Variants in RALYL observed in about 807,000 individuals in gnomAD.
RALYL encodes the protein RALY RNA binding protein like.
In RALYL, 29 loss-of-function variants were observed where a neutral mutation model predicts 35.1. That is an observed-to-expected ratio of 0.83 (90% CI 0.61 to 1.13). The LOEUF (loss-of-function observed/expected upper bound fraction) is 1.13, where lower values mean the gene tolerates loss of function less well. RALYL is among the 50% of genes most tolerant of loss of function. RALYL has a pLI of 0.00. For synonymous variants in RALYL, 120 were observed against 127.6 expected (o/e 0.94, Z 0.40); for missense variants, 359 against 360.4 (o/e 1.00, Z 0.03).
intron 3 of RALYL, among the ~76,000 whole-genome samples, chr8:84,780,101 A>G (rs1337819783): frequency 6.6e-6 from 1 of 152,080 alleles, no homozygotes. Context: ...CAGAAGCTTA[A>G]TATTTCCATT....
chr8:84,673,165 G>A (rs900604872), intron 2 of RALYL, among the ~76,000 whole-genome samples: 6 of 152,076 alleles, frequency 3.9e-5, no homozygotes, highest in African/African-American at 9.7e-5. Context: ...CCACATGTAT[G>A]TCTTCTTTTG....
chr8:84,828,685 A>C (rs1830225165), intron 4 of RALYL: 1 of 186,844 alleles, frequency 5.4e-6, no homozygotes, highest in Non-Finnish European at 1.2e-5. Flanking sequence ...ATAACAGTTC[A>C]GTTTCTTGCT....
intron 2 of RALYL, among the ~76,000 whole-genome samples, chr8:84,732,683 T>TATATATATATATACACAC: frequency 0.012 from 1,537 of 133,132 alleles, 22 homozygotes; most frequent in Middle Eastern, 0.036. Context: ...TATATATATA[T>TATATATATATATACACAC]ACACACACAC....
Position 84,748,870 on chromosome 8 carries a change from C to A in RALYL, c.257-25709C>A, listed in dbSNP as rs142309113. Among the ~76,000 whole-genome samples, 15 of 152,148 alleles carry A rather than the reference C, an allele frequency of 9.9e-5. No homozygotes were observed. In the East Asian group the frequency reaches 2.9e-3, roughly 29 times the overall value. ...CCAATGAAAAATATCAACGAGCCGG[C>A]ATTTCCCCATCTTCTCTTGTTTTGT... On this transcript the variant is annotated intron_variant, in intron 2 of 8. Coordinates refer to ENST00000521268, the MANE Select transcript of RALYL (RefSeq NM_173848.7).
At chr8:84,786,456 G>A (rs1479904619) in intron 3 of RALYL, among the ~76,000 whole-genome samples, 1 of 152,146 alleles carries the variant, frequency 6.6e-6, no homozygotes, top group Non-Finnish European at 1.5e-5. Flanking sequence ...CAGTGTAAAA[G>A]AGTTCTTATT....
intron 8 of RALYL, among the ~76,000 whole-genome samples, chr8:84,919,948 T>TG (rs915901242): frequency 1.1e-4 from 16 of 152,064 alleles, no homozygotes; most frequent in Admixed American, 9.2e-4. Context: ...GCATGAAATC[T>TG]GGGGGGCTGC....
intron 2 of RALYL, among the ~76,000 whole-genome samples, chr8:84,535,212 T>G (rs933080142): frequency 6.6e-6 from 1 of 152,196 alleles, no homozygotes; most frequent in Non-Finnish European, 1.5e-5. Context: ...GAAATGAACT[T>G]AGTCTATATC....
intron 1 of RALYL, among the ~76,000 whole-genome samples, chr8:84,450,541 G>A (rs1373928278): frequency 1.3e-5 from 2 of 150,940 alleles, no homozygotes; most frequent in Non-Finnish European, 3.0e-5. Flanking sequence ...GTAATTTATG[G>A]CTGCGGCACA....
chr8:84,200,357 T>C (rs1300636617), intron 1 of RALYL, among the ~76,000 whole-genome samples: 3 of 152,110 alleles, frequency 2.0e-5, no homozygotes, highest in Admixed American at 6.5e-5. Flanking sequence ...TCATTTCAGG[T>C]ATTGATTAAC....
At chr8:84,615,502 C>A (rs374241965) in intron 2 of RALYL, among the ~76,000 whole-genome samples, 2 of 142,912 alleles carry the variant, frequency 1.4e-5, no homozygotes, top group Non-Finnish European at 3.0e-5. Context: ...TGTGATTAAT[C>A]AGTTTAAACA....
chr8:84,340,432 TC>T (rs1052544657), intron 1 of RALYL, among the ~76,000 whole-genome samples: 1 of 152,088 alleles, frequency 6.6e-6, no homozygotes, highest in Non-Finnish European at 1.5e-5. Flanking sequence ...GAACTGCAAC[TC>T]CCCATTTCCC....
intron 2 of RALYL, among the ~76,000 whole-genome samples, chr8:84,758,617 A>G (rs1250853700): frequency 6.7e-6 from 1 of 149,786 alleles, no homozygotes; most frequent in Non-Finnish European, 1.5e-5. Context: ...TGGCCTTCCC[A>G]CAGGGTGCCT....
intron 1 of RALYL, among the ~76,000 whole-genome samples, chr8:84,206,196 C>G (rs1818011440): frequency 6.6e-6 from 1 of 152,186 alleles, no homozygotes; most frequent in African/African-American, 2.4e-5. Flanking sequence ...AATTATTCTT[C>G]TAAGCACTGT....
chr8:84,554,017 A>G (rs1375714831), intron 2 of RALYL, among the ~76,000 whole-genome samples: 1 of 152,226 alleles, frequency 6.6e-6, no homozygotes, highest in Non-Finnish European at 1.5e-5. Context: ...TTAATCTGAC[A>G]TAATCACATC....
chr8:84,346,410 G>A (rs1451671020), intron 1 of RALYL, among the ~76,000 whole-genome samples: 1 of 152,134 alleles, frequency 6.6e-6, no homozygotes, highest in Non-Finnish European at 1.5e-5. Context: ...AAATACATAT[G>A]TATTGCATGA....
At chr8:84,577,618 A>G (rs763459607) in intron 2 of RALYL, among the ~76,000 whole-genome samples, 6 of 152,050 alleles carry the variant, frequency 3.9e-5, no homozygotes, top group African/African-American at 1.2e-4. Context: ...TTTTTTTTAA[A>G]CAGTTTTCAA....
intron 1 of RALYL, among the ~76,000 whole-genome samples, chr8:84,353,140 C>T (rs1369768096): frequency 6.7e-6 from 1 of 150,030 alleles, no homozygotes; most frequent in East Asian, 1.9e-4. Flanking sequence ...TACACAGTCC[C>T]TCCCATGTTA....
At chr8:84,874,628 C>T (rs1211660388) in intron 7 of RALYL, among the ~76,000 whole-genome samples, 1 of 152,132 alleles carries the variant, frequency 6.6e-6, no homozygotes, top group Non-Finnish European at 1.5e-5. Context: ...AGGGTTGGAG[C>T]GTACCCTTGG....
chr8:84,207,188 T>C (rs1015316366), intron 1 of RALYL, among the ~76,000 whole-genome samples: 1 of 152,122 alleles, frequency 6.6e-6, no homozygotes, highest in African/African-American at 2.4e-5. Context: ...ATTAAACCAG[T>C]ATCTCAAAGA....
Sources: allele counts gnomAD v4.1 joint callset (sites outside exome capture counted in the v4.1 genomes callset), GRCh38; gene constraint gnomAD v4.1.1; transcripts MANE v1.5; gene names NCBI Gene and HGNC (gene_info 2026-07-23, HGNC 2026-07-21).